The following ARHGAP15 variants were observed in gnomAD, a reference collection of about 807,000 sequenced individuals.
ARHGAP15 encodes the protein rho GTPase-activating protein 15.
In ARHGAP15, 51 loss-of-function variants were observed where a neutral mutation model predicts 63.7. The observed-to-expected ratio is 0.80, with a 90% CI of 0.64 to 1.01. The LOEUF (loss-of-function observed/expected upper bound fraction) is 1.01, where lower values mean the gene tolerates loss of function less well. Among genes scored for constraint, ARHGAP15 ranks in the 50% least tolerant of loss-of-function variants. ARHGAP15 has a pLI of 0.00. For synonymous variants in ARHGAP15, 191 were observed against 193.8 expected (o/e 0.99, Z 0.12); for missense variants, 560 against 564.6 (o/e 0.99, Z 0.08).
intron 11 of ARHGAP15, among the ~76,000 whole-genome samples, chr2:143,581,098 G>C (rs531171903): frequency 6.6e-6 from 1 of 152,230 alleles, no homozygotes; most frequent in East Asian, 1.9e-4. Context: ...TGCAGGCACA[G>C]AATTGGTAAC....
chr2:143,450,361 G>A (rs141501914), intron 8 of ARHGAP15, among the ~76,000 whole-genome samples: 1 of 151,736 alleles, frequency 6.6e-6, no homozygotes, highest in Non-Finnish European at 1.5e-5. Flanking sequence ...GGAATCATAA[G>A]AAGCAGTGAG....
intron 6 of ARHGAP15, among the ~76,000 whole-genome samples, chr2:143,378,358 T>C (rs1411675160): frequency 6.6e-6 from 1 of 152,076 alleles, no homozygotes. Flanking sequence ...CACTTTTCTA[T>C]CAGTCTCATC....
At chr2:143,351,546 G>A (rs1349685729) in intron 6 of ARHGAP15, 4 of 152,200 alleles carry the variant, frequency 2.6e-5, no homozygotes, top group Non-Finnish European at 5.9e-5. Context: ...TTTGCCCTAG[G>A]TGGTCAGAGT....
intron 6 of ARHGAP15, among the ~76,000 whole-genome samples, chr2:143,269,965 C>A (rs566959935): frequency 6.6e-6 from 1 of 152,176 alleles, no homozygotes; most frequent in Admixed American, 6.5e-5. Flanking sequence ...AAATATTAAT[C>A]TGTGTTACTT....
At chr2:143,308,293 A>G (rs950337811) in intron 6 of ARHGAP15, among the ~76,000 whole-genome samples, 2 of 152,098 alleles carry the variant, frequency 1.3e-5, no homozygotes, top group African/African-American at 4.8e-5. Context: ...AACTTTTCTT[A>G]TGCATTAAGA....
chr2:143,388,230 CAG>C (rs1191357525), intron 6 of ARHGAP15, among the ~76,000 whole-genome samples: 1 of 152,034 alleles, frequency 6.6e-6, no homozygotes, highest in African/African-American at 2.4e-5. Flanking sequence ...TATGAAATAA[CAG>C]TGTTCAAAGA....
At chr2:143,308,477 AACACACAC>A (rs4008341) in intron 6 of ARHGAP15, among the ~76,000 whole-genome samples, 13 of 149,274 alleles carry the variant, frequency 8.7e-5, no homozygotes, top group East Asian at 6.0e-4. Context: ...GTTGATAAGA[AACACACAC>A]ACACACACAC....
intron 3 of ARHGAP15, among the ~76,000 whole-genome samples, chr2:143,207,103 C>A (rs541761325): frequency 1.3e-5 from 2 of 151,810 alleles, no homozygotes; most frequent in African/African-American, 4.8e-5. Flanking sequence ...GCCACTATAT[C>A]AAGCATAAGC....
intron 10 of ARHGAP15, among the ~76,000 whole-genome samples, chr2:143,545,662 T>C (rs368103112): frequency 1.3e-5 from 2 of 152,036 alleles, no homozygotes; most frequent in African/African-American, 2.4e-5. Flanking sequence ...AGGTGATAAA[T>C]ATATTTATAT....
chr2:143,346,154 GCA>G lies in ARHGAP15; in HGVS notation c.475-89429_475-89428del, dbSNP rs558611067. On this transcript the variant is annotated intron_variant, in intron 6 of 13. Coordinates refer to ENST00000295095, the MANE Select transcript of ARHGAP15 (RefSeq NM_018460.4). ...ATACAGTCATGTCCTGTACAAATGAGCACACACACACACACACACTCTCTCTC... is the reference window on the plus strand; with the variant it reads ...ATACAGTCATGTCCTGTACAAATGAGCACACACACACACACACTCTCTCTC... Among the ~76,000 whole-genome samples, 163 of 119,788 alleles carry G rather than the reference GCA, an allele frequency of 1.4e-3. 2 individuals carry two copies. Among genetic ancestry groups the G allele is most frequent in the East Asian group, 9.3e-3 (38 of 4,090 alleles). The allele number at this position is 119,788 out of a possible 152,430, so 78.6% of individuals were successfully genotyped here.
At chr2:143,470,894 ATG>A (rs1295754594) in intron 8 of ARHGAP15, among the ~76,000 whole-genome samples, 64 of 149,096 alleles carry the variant, frequency 4.3e-4, no homozygotes, top group African/African-American at 1.5e-3. Context: ...ACGTATATTT[ATG>A]TGTGTATATA....
chr2:143,367,925 T>C (rs1047861829), intron 6 of ARHGAP15, among the ~76,000 whole-genome samples: 1 of 152,072 alleles, frequency 6.6e-6, no homozygotes, highest in East Asian at 1.9e-4. Context: ...GAACTACAGA[T>C]ATTTTAATTT....
At chr2:143,343,542 G>T (rs1028756929) in intron 6 of ARHGAP15, among the ~76,000 whole-genome samples, 22 of 152,230 alleles carry the variant, frequency 1.4e-4, no homozygotes, top group African/African-American at 5.3e-4. Flanking sequence ...GATCAGATTT[G>T]CCCTTGAAAG....
chr2:143,410,466 T>A (rs1019106707), intron 6 of ARHGAP15, among the ~76,000 whole-genome samples: 3 of 152,184 alleles, frequency 2.0e-5, no homozygotes, highest in Non-Finnish European at 4.4e-5. Context: ...ATACCTATAG[T>A]CTATCCTGGA....
Position 143,202,200 on chromosome 2 carries a change from C to T in ARHGAP15, c.232C>T (p.Leu78=). The part of the protein sequence containing the change: ...LKDVIPPLEQ[L]MVEKEGYLQK... Reference sequence around the variant, plus strand: ...AGATGTCATTCCTCCATTGGAACAACTGGTGAGTGTTTAAGTCATTATATT... The same window carrying T: ...AGATGTCATTCCTCCATTGGAACAATTGGTGAGTGTTTAAGTCATTATATT... Residue 78 remains leucine (L), a splice_region_variant and synonymous_variant, in exon 3 of 14, where the codon CTG becomes TTG. Transcript: ENST00000295095. The T allele has an allele frequency of 1.2e-6, 2 of 1,609,572 alleles. No homozygotes were observed. Among genetic ancestry groups the T allele is most frequent in the Non-Finnish European group, 1.7e-6 (2 of 1,176,198 alleles).
chr2:143,611,289 A>G (rs375759079), intron 11 of ARHGAP15, among the ~76,000 whole-genome samples: 8 of 152,252 alleles, frequency 5.3e-5, no homozygotes, highest in African/African-American at 1.4e-4. Context: ...CTTGCTCTAT[A>G]TGTTGCTATA....
intron 6 of ARHGAP15, among the ~76,000 whole-genome samples, chr2:143,357,496 C>T (rs1231862705): frequency 6.6e-6 from 1 of 152,052 alleles, no homozygotes; most frequent in Non-Finnish European, 1.5e-5. Flanking sequence ...TTCTTGATTC[C>T]TGAACCCAAA....
chr2:143,369,562 T>C (rs1686452348), intron 6 of ARHGAP15, among the ~76,000 whole-genome samples: 1 of 152,138 alleles, frequency 6.6e-6, no homozygotes, highest in African/African-American at 2.4e-5. Flanking sequence ...CTGTTGATTT[T>C]AAACAGACTT....
At chr2:143,304,751 A>G (rs1461349351) in intron 6 of ARHGAP15, among the ~76,000 whole-genome samples, 1 of 152,130 alleles carries the variant, frequency 6.6e-6, no homozygotes, top group Non-Finnish European at 1.5e-5. Flanking sequence ...GTCATTAGAG[A>G]AATGCAAATG....
Sources: gnomAD v4.1 joint callset for allele counts (sites outside exome capture counted in the v4.1 genomes callset) on GRCh38, gnomAD v4.1.1 for gene constraint, MANE v1.5 for transcripts, NCBI Gene and HGNC (gene_info 2026-07-23, HGNC 2026-07-21) for gene names.